Variants in DYRK3 observed in about 807,000 individuals in gnomAD.
DYRK3 encodes the protein dual specificity tyrosine-phosphorylation-regulated kinase 3.
DYRK3 carries 30 observed loss-of-function variants against 40.8 expected under a neutral mutation model. That is an observed-to-expected ratio of 0.74 (90% CI 0.55 to 1.00). The LOEUF is 1.00. Among genes scored for constraint, DYRK3 ranks in the 50% least tolerant of loss-of-function variants. DYRK3 has a pLI of 0.00. For synonymous variants in DYRK3, 272 were observed against 260.7 expected (o/e 1.04, Z -0.42); for missense variants, 699 against 731.5 (o/e 0.96, Z 0.51).
intron 1 of DYRK3, among the ~76,000 whole-genome samples, chr1:206,636,543 A>T (rs561415532): frequency 2.0e-5 from 3 of 152,322 alleles, no homozygotes; most frequent in Admixed American, 2.0e-4. Flanking sequence ...GAATGTGAGC[A>T]TGTTTTTAAA....
chr1:206,636,186 G>T (rs1305616401), intron 1 of DYRK3: 2 of 739,216 alleles, frequency 2.7e-6, no homozygotes, highest in Non-Finnish European at 4.4e-6. Context: ...AACTCTTGGG[G>T]TTTGCTGTGA....
Position 206,648,734 on chromosome 1 carries a change from C to T in DYRK3, c.1536C>T (p.Thr512=), listed in dbSNP as rs1553420841. The change falls in exon 3 of 3, where the codon ACC becomes ACT. Residue 512 remains threonine (T), a synonymous_variant. Coordinates refer to ENST00000367109, the MANE Select transcript of DYRK3 (RefSeq NM_003582.4). ...ACTGGGACCCCTCTGCCCGCTTGACCCCAGCTCAAGCATTAAGACACCCTT... is the reference window on the plus strand; with the variant it reads ...ACTGGGACCCCTCTGCCCGCTTGACTCCAGCTCAAGCATTAAGACACCCTT... The part of the protein sequence containing the change: ...CLHWDPSARL[T]PAQALRHPWI... The T allele has an allele frequency of 1.2e-6, 2 of 1,613,890 alleles. No homozygotes were observed. Among genetic ancestry groups the T allele is most frequent in the African/African-American group, 2.7e-5 (2 of 74,900 alleles).
chr1:206,641,728 T>C (rs1331387040), intron 2 of DYRK3, among the ~76,000 whole-genome samples: 1 of 150,408 alleles, frequency 6.6e-6, no homozygotes, highest in Non-Finnish European at 1.5e-5. Flanking sequence ...TAGCCATATG[T>C]AGAAAGCTGA....
chr1:206,637,097 A>T (rs782484599), intron 1 of DYRK3: 116 of 671,896 alleles, frequency 1.7e-4, no homozygotes, highest in Non-Finnish European at 2.9e-4. Context: ...AGACAGCCTT[A>T]AAAAGGCCTT....
intron 2 of DYRK3, among the ~76,000 whole-genome samples, chr1:206,642,652 C>G (rs540620757): frequency 1.3e-5 from 2 of 152,044 alleles, no homozygotes; most frequent in Admixed American, 1.3e-4. Context: ...AGCTAGAAAC[C>G]GTCATTCTGA....
At chr1:206,635,946 G>GC in intron 1 of DYRK3, 166 bp downstream of exon 1, 1 of 1,318,816 alleles carries the variant, frequency 7.6e-7, no homozygotes, top group Non-Finnish European at 9.7e-7. Flanking sequence ...CTCTATCAGG[G>GC]CCCCCTCCCC....
Position 206,648,819 on chromosome 1 carries a change from G to A in DYRK3, c.1621G>A (p.Val541Ile). ...TTIDKVSGKR[V>I]VNPASAFQGL... ...CATAGACAAGGTGTCAGGGAAACGGGTAGTTAATCCTGCAAGTGCTTTCCA... is the reference window on the plus strand; with the variant it reads ...CATAGACAAGGTGTCAGGGAAACGGATAGTTAATCCTGCAAGTGCTTTCCA... The change falls in exon 3 of 3, where the codon GTA (valine) becomes ATA (isoleucine). Residue 541 changes from valine (V) to isoleucine (I), a missense_variant. By Grantham distance (29) the Val-to-Ile change is conservative. Transcript: ENST00000367109. 6.2e-7 allele frequency: 1 copy of A among 1,614,196 alleles called. No individual in the cohort carries two copies. Among genetic ancestry groups the A allele is most frequent in the Non-Finnish European group, 8.5e-7 (1 of 1,180,038 alleles).
At chr1:206,638,204 T>C (rs1671171716) in intron 2 of DYRK3, among the ~76,000 whole-genome samples, 1 of 151,320 alleles carries the variant, frequency 6.6e-6, no homozygotes, top group African/African-American at 2.4e-5. Flanking sequence ...ATTTTATAGA[T>C]AGATGATAAC....
rs1671560766 is a variant in DYRK3 at position 206,649,117 on chromosome 1, A to G, written c.*152A>G. The G allele has an allele frequency of 2.4e-6, 2 of 822,762 alleles. No individual in the cohort carries two copies. The highest frequency in any genetic ancestry group is 2.1e-5 in the South Asian group (1 of 48,500). 51.0% of individuals were successfully genotyped at this position (822,762 alleles called of 1,614,324 possible). A position where few individuals can be genotyped will look rare whatever the true frequency, so the allele number is the denominator to read the frequency against. On this transcript the variant is annotated 3_prime_UTR_variant, in exon 3 of 3. Coordinates refer to ENST00000367109, the MANE Select transcript of DYRK3 (RefSeq NM_003582.4). ...AACATTTTTATATGATTATAAAAGA[A>G]TTCTTCAAGGGCTAATTACCTAACC...
intron 2 of DYRK3, among the ~76,000 whole-genome samples, chr1:206,640,716 A>G (rs1327443772): frequency 1.3e-5 from 2 of 151,836 alleles, no homozygotes; most frequent in Non-Finnish European, 2.9e-5. Context: ...ACACCTGGCT[A>G]ATTTTTTGTA....
chr1:206,642,444 A>G (rs1342854901), intron 2 of DYRK3, among the ~76,000 whole-genome samples: 2 of 152,202 alleles, frequency 1.3e-5, no homozygotes, highest in South Asian at 2.1e-4. Context: ...TACCCAAAGG[A>G]TTATAAATCA....
chr1:206,648,600 C>A lies in DYRK3; in HGVS notation c.1402C>A (p.Arg468Ser). 1 of 1,613,940 alleles carries A rather than the reference C, an allele frequency of 6.2e-7. No individual in the cohort carries two copies. The highest frequency in any genetic ancestry group is 8.5e-7 in the Non-Finnish European group (1 of 1,179,892). ...TGGGAGGGTTGTGCTTGTGGGGGGT[C>A]GCTCACGTAGGGGTAAAAAGCGGGG... is the stretch of plus-strand genomic sequence containing the variant. ...ADGRVVLVGG[R>S]SRRGKKRGPP... Residue 468 changes from arginine to serine, a missense_variant, in exon 3 of 3, where the codon CGC (arginine) becomes AGC (serine). Arg to Ser is a moderately radical substitution (Grantham distance 110, BLOSUM62 -1). Transcript: ENST00000367109.
rs1671602398 is a variant in DYRK3 at position 206,650,451 on chromosome 1, C to T, written c.*1486C>T. Among the ~76,000 whole-genome samples, 1 of 152,198 alleles carries T rather than the reference C, an allele frequency of 6.6e-6. No homozygotes were observed. The highest frequency in any genetic ancestry group is 1.5e-5 in the Non-Finnish European group (1 of 68,042). On this transcript the variant is annotated 3_prime_UTR_variant, in exon 3 of 3. Transcript: ENST00000367109. ...GCCTAGTGGCACATGCCTGTAATCC[C>T]AGCTACTTGGGAGGCTGAGGTGGGA...
In DYRK3 at chr1:206,648,101, AAAT is replaced by A; in HGVS notation, c.906_908del (p.Asn302del). 1 of 1,614,176 alleles carries A rather than the reference AAAT, an allele frequency of 6.2e-7. No individual in the cohort carries two copies. The highest frequency in any genetic ancestry group is 8.5e-7 in the Non-Finnish European group (1 of 1,180,036). ...TAGACCTTTATGAGCTGATTAAAAA[AAAT>A]AAGTTTCAGGGTTTTAGCGTCCAGT... is the stretch of plus-strand genomic sequence containing the variant. On this transcript the variant is annotated inframe_deletion, in exon 3 of 3. Transcript: ENST00000367109.
In DYRK3 at chr1:206,649,184, T is replaced by G. The variant is rs1036831718; in HGVS notation, c.*219T>G. On this transcript the variant is annotated 3_prime_UTR_variant, in exon 3 of 3. Coordinates refer to ENST00000367109, the MANE Select transcript of DYRK3 (RefSeq NM_003582.4). ...CTGGAATATGCATTAAATGACTTTT[T>G]ATAGGTCAATGCATCTTTGTTATTA... The G allele has an allele frequency of 4.9e-5, 25 of 507,170 alleles. No homozygotes were observed. The highest frequency in any genetic ancestry group is 5.2e-4 in the Middle Eastern group (1 of 1,918). The allele number at this position is 507,170 out of a possible 1,614,324, so 31.4% of individuals were successfully genotyped here.
chr1:206,643,066 A>C (rs962850278), intron 2 of DYRK3, among the ~76,000 whole-genome samples: 3 of 152,132 alleles, frequency 2.0e-5, no homozygotes, highest in African/African-American at 7.2e-5. Flanking sequence ...TCTGTTCTGG[A>C]AGGCATGCTT....
At chr1:206,645,873 C>T (rs1239159725) in intron 2 of DYRK3, among the ~76,000 whole-genome samples, 3 of 151,838 alleles carry the variant, frequency 2.0e-5, no homozygotes, top group South Asian at 2.1e-4. Context: ...TTTTTTGAGA[C>T]GGAGTCTCAC....
rs781963697 is a variant in DYRK3, at chr1:206,648,863, G to T, written c.1665G>T (p.Leu555=). Residue 555 remains leucine (L), a synonymous_variant, in exon 3 of 3, where the codon CTG becomes CTT. Coordinates refer to ENST00000367109, the MANE Select transcript of DYRK3 (RefSeq NM_003582.4). The part of the protein sequence containing the change: ...ASAFQGLGSK[L]PPVVGIANKL... ...CTTTCCAGGGATTGGGTTCTAAGCT[G>T]CCTCCAGTTGTTGGAATAGCCAATA... 6.2e-7 allele frequency: 1 copy of T among 1,614,200 alleles called. No individual in the cohort carries two copies. Among genetic ancestry groups the T allele is most frequent in the Non-Finnish European group, 8.5e-7 (1 of 1,180,040 alleles).
In DYRK3 at chr1:206,649,045, C is replaced by T. The variant is rs1194302322; in HGVS notation, c.*80C>T. On this transcript the variant is annotated 3_prime_UTR_variant, in exon 3 of 3. Transcript: ENST00000367109. ...CCTGCAAATGGAAAAAATGCAAGCCCATTGGTGGATGTTTTTGTTAGAGTA... is the reference window on the plus strand; with the variant it reads ...CCTGCAAATGGAAAAAATGCAAGCCTATTGGTGGATGTTTTTGTTAGAGTA... The T allele has an allele frequency of 6.4e-6, 9 of 1,410,554 alleles. No homozygotes were observed. The highest frequency in any genetic ancestry group is 1.5e-5 in the South Asian group (1 of 66,926). The allele number at this position is 1,410,554 out of a possible 1,614,324, so 87.4% of individuals were successfully genotyped here. A position where few individuals can be genotyped will look rare whatever the true frequency, so the allele number is the denominator to read the frequency against.
Sources: gnomAD v4.1 joint callset for allele counts (sites outside exome capture counted in the v4.1 genomes callset) on GRCh38, gnomAD v4.1.1 for gene constraint, MANE v1.5 for transcripts, NCBI Gene and HGNC (gene_info 2026-07-23, HGNC 2026-07-21) for gene names.